GPATCH2: variants seen among roughly 807,000 people sequenced by gnomAD.
GPATCH2 encodes the protein G patch domain-containing protein 2.
GPATCH2 carries 51 observed loss-of-function variants against 58.0 expected under a neutral mutation model. The ratio of observed to expected loss-of-function variants is 0.88; its 90% CI spans 0.70 to 1.11. The LOEUF (loss-of-function observed/expected upper bound fraction) is 1.11. GPATCH2 is among the 50% of genes most tolerant of loss of function. The pLI is 0.00. For synonymous variants in GPATCH2, 222 were observed against 218.5 expected, an observed-to-expected ratio of 1.02 and a Z score of -0.14; for missense variants, 625 against 652.2, an observed-to-expected ratio of 0.96 and a Z score of 0.45.
chr1:217,507,184 A>G (rs1172101413), intron 6 of GPATCH2, among the ~76,000 whole-genome samples: 2 of 152,210 alleles, frequency 1.3e-5, no homozygotes, highest in Admixed American at 1.3e-4. Flanking sequence ...AGTTTCATCA[A>G]CTATGGTTGC....
At chr1:217,565,851 C>G (rs1490499574) in intron 5 of GPATCH2, among the ~76,000 whole-genome samples, 3 of 152,088 alleles carry the variant, frequency 2.0e-5, no homozygotes, top group Admixed American at 1.3e-4. Context: ...CCTGTAATCC[C>G]AGCAGTTTGG....
intron 5 of GPATCH2, among the ~76,000 whole-genome samples, chr1:217,582,237 A>G (rs1667113007): frequency 6.6e-6 from 1 of 152,160 alleles, no homozygotes; most frequent in Admixed American, 6.5e-5. Context: ...CACAGAAAAG[A>G]CAAAGTTGAA....
At chr1:217,584,894 C>T (rs959271806) in intron 5 of GPATCH2, among the ~76,000 whole-genome samples, 2 of 151,520 alleles carry the variant, frequency 1.3e-5, no homozygotes, top group African/African-American at 2.4e-5. Flanking sequence ...AAAATCCAAC[C>T]GTATGCTGTC....
At chr1:217,610,471 A>G in intron 4 of GPATCH2, 71 bp from the exon 5 acceptor site, 1 of 857,106 alleles carries the variant, frequency 1.2e-6, no homozygotes, top group Non-Finnish European at 1.9e-6. Flanking sequence ...AGAGGATCCT[A>G]TCAATAGAGA....
rs568331364 is a variant in GPATCH2, at chr1:217,524,330, T to G, written c.1099-9441A>C. 2.0e-5 allele frequency among the ~76,000 whole-genome samples: 3 copies of G among 150,336 alleles called. 1 individual carries two copies. Among genetic ancestry groups the G allele is most frequent in the African/African-American group, 7.4e-5 (3 of 40,600 alleles). On this transcript the variant is annotated intron_variant, in intron 5 of 9. Coordinates refer to ENST00000366935, the MANE Select transcript of GPATCH2 (RefSeq NM_018040.5). The stretch of plus-strand genomic sequence containing the variant: ...CGGCTGGGAAGAGGCGCTCCTCACT[T>G]CCTAGATGGGATGGCGGCTGGGCAG...
rs149864442 is a variant in GPATCH2, at chr1:217,505,619, C to CT, written c.1167-7225dup. ...TTAACTGAGGTCTCCTAAAAATGTA[C>CT]TTTTCAGAAGGAAAGAGCTATTGCA... On this transcript the variant is annotated intron_variant, in intron 6 of 9. Transcript: ENST00000366935. Among the ~76,000 whole-genome samples the CT allele has an allele frequency of 5.9e-3, 895 of 152,108 alleles. 8 individuals carry two copies. Among genetic ancestry groups the CT allele is most frequent in the African/African-American group, 0.021 (863 of 41,520 alleles).
At chr1:217,567,331 C>A (rs950808649) in intron 5 of GPATCH2, among the ~76,000 whole-genome samples, 1 of 152,222 alleles carries the variant, frequency 6.6e-6, no homozygotes, top group Non-Finnish European at 1.5e-5. Context: ...CAGGCATGAG[C>A]CACCGCACCC....
chr1:217,498,138 C>T, intron 7 of GPATCH2: 1 of 630,978 alleles, frequency 1.6e-6, no homozygotes, highest in East Asian at 2.7e-5. Flanking sequence ...ACAAGTATGA[C>T]TGAAGACAGT....
chr1:217,547,778 T>C (rs1020993498), intron 5 of GPATCH2, among the ~76,000 whole-genome samples: 10 of 152,168 alleles, frequency 6.6e-5, no homozygotes, highest in Non-Finnish European at 1.5e-5. Context: ...GGTTTGGCTC[T>C]GTGTCCCCAC....
chr1:217,451,545 A>G (rs1455964374), intron 8 of GPATCH2, among the ~76,000 whole-genome samples: 1 of 152,224 alleles, frequency 6.6e-6, no homozygotes. Context: ...TCATTAGCTA[A>G]TGAGTTAAAT....
intron 5 of GPATCH2, among the ~76,000 whole-genome samples, chr1:217,597,871 T>A (rs1018265573): frequency 6.6e-6 from 1 of 151,958 alleles, no homozygotes; most frequent in Non-Finnish European, 1.5e-5. Flanking sequence ...CACATACAGA[T>A]CCCCCAACCA....
intron 5 of GPATCH2, among the ~76,000 whole-genome samples, chr1:217,585,828 A>G (rs374300755): frequency 5.3e-5 from 8 of 152,174 alleles, no homozygotes; most frequent in African/African-American, 1.9e-4. Context: ...GTATACTTAC[A>G]CAAACCCAGA....
At chr1:217,439,790 A>G (rs2102535186) in intron 9 of GPATCH2, among the ~76,000 whole-genome samples, 1 of 152,340 alleles carries the variant, frequency 6.6e-6, no homozygotes, top group East Asian at 1.9e-4. Flanking sequence ...TCCTGGACAC[A>G]TACACCCTCC....
At chr1:217,554,547 T>G in intron 5 of GPATCH2, among the ~76,000 whole-genome samples, 1 of 152,214 alleles carries the variant, frequency 6.6e-6, no homozygotes, top group East Asian at 1.9e-4. Context: ...ATTGTTATTA[T>G]CACAAATGCT....
At chr1:217,604,103 T>C (rs565226809) in intron 5 of GPATCH2, among the ~76,000 whole-genome samples, 3 of 152,028 alleles carry the variant, frequency 2.0e-5, no homozygotes, top group South Asian at 4.2e-4. Flanking sequence ...GTAATCCTAG[T>C]ACTTTGGGAG....
intron 5 of GPATCH2, among the ~76,000 whole-genome samples, chr1:217,602,265 C>CA (rs1417566315): frequency 6.6e-6 from 1 of 152,130 alleles, no homozygotes; most frequent in Non-Finnish European, 1.5e-5. Context: ...TGCTACACAC[C>CA]ACTCCACACA....
intron 5 of GPATCH2, among the ~76,000 whole-genome samples, chr1:217,547,515 T>C (rs977266716): frequency 6.6e-6 from 1 of 152,308 alleles, no homozygotes; most frequent in Non-Finnish European, 1.5e-5. Flanking sequence ...AGCAATCTCA[T>C]TACTGCATAT....
At chr1:217,624,491 C>T (rs10863331) in intron 1 of GPATCH2, among the ~76,000 whole-genome samples, 37,286 of 152,128 alleles carry the variant, frequency 0.25, 4,783 homozygotes, top group African/African-American at 0.31. Flanking sequence ...TACTCCAGCC[C>T]GGGAGGCAGA....
rs148600441 is a variant in GPATCH2, at chr1:217,565,872, C to A, written c.1098+44449G>T. Among the ~76,000 whole-genome samples the A allele has an allele frequency of 8.1e-4, 123 of 152,140 alleles. 3 individuals are homozygous for A. The East Asian group carries it at 0.016, about 19-fold the overall frequency. On this transcript the variant is annotated intron_variant, in intron 5 of 9. Coordinates refer to ENST00000366935, the MANE Select transcript of GPATCH2 (RefSeq NM_018040.5). ...ATCCCAGCAGTTTGGGAGGCCCAGG[C>A]GGGTGGGTCACCTGAGGTTGGGAGT...
Sources: gnomAD v4.1 joint callset for allele counts (sites outside exome capture counted in the v4.1 genomes callset) on GRCh38, gnomAD v4.1.1 for gene constraint, MANE v1.5 for transcripts, NCBI Gene and HGNC (gene_info 2026-07-23, HGNC 2026-07-21) for gene names.